ASCC1: variants seen among roughly 807,000 people sequenced by gnomAD.
ASCC1 encodes ASC-1 complex subunit P50.
ASCC1 carries 35 observed loss-of-function variants against 46.6 expected under a neutral mutation model. The ratio of observed to expected loss-of-function variants is 0.75; its 90% CI spans 0.57 to 0.99. The LOEUF (loss-of-function observed/expected upper bound fraction) is 0.99. Ranked by LOEUF, ASCC1 falls within the 50% of genes least tolerant of loss-of-function variation. The probability of loss-of-function intolerance (pLI) is 0.00; values close to 1 mark genes in which losing one functional copy is unlikely to be tolerated. For synonymous variants in ASCC1, 143 were observed against 146.6 expected, an observed-to-expected ratio of 0.98 and a Z score of 0.18; for missense variants, 376 against 428.7, an observed-to-expected ratio of 0.88 and a Z score of 1.09.
At chr10:72,210,280 C>T (rs1310850197) in intron 3 of ASCC1, among the ~76,000 whole-genome samples, 2 of 149,256 alleles carry the variant, frequency 1.3e-5, no homozygotes, top group Admixed American at 6.6e-5. Context: ...CTGCCTCAGC[C>T]TCCCAAGTAG....
At chr10:72,160,586 G>A (rs182019709) in intron 6 of ASCC1, among the ~76,000 whole-genome samples, 10 of 152,030 alleles carry the variant, frequency 6.6e-5, no homozygotes, top group African/African-American at 2.4e-4. Flanking sequence ...ACTGGCTGGA[G>A]ATGGCAGCTC....
intron 6 of ASCC1, among the ~76,000 whole-genome samples, chr10:72,160,858 C>T (rs186454521): frequency 0.01 from 1,543 of 149,538 alleles, 23 homozygotes; most frequent in African/African-American, 0.03. Flanking sequence ...CCAAGGCGGG[C>T]GGATCACAAG....
chr10:72,139,318 G>C (rs1846690004), intron 7 of ASCC1, among the ~76,000 whole-genome samples: 1 of 151,854 alleles, frequency 6.6e-6, no homozygotes, highest in Admixed American at 6.6e-5. Context: ...GTTTCACCGT[G>C]TTAGCCAGGA....
intron 7 of ASCC1, among the ~76,000 whole-genome samples, chr10:72,149,292 G>A (rs1164879722): frequency 6.6e-6 from 1 of 151,838 alleles, no homozygotes; most frequent in African/African-American, 2.4e-5. Context: ...CAAAAAATTA[G>A]CCAGGCGTGG....
intron 9 of ASCC1, among the ~76,000 whole-genome samples, chr10:72,111,788 C>T (rs201886718): frequency 6.6e-6 from 1 of 152,006 alleles, no homozygotes; most frequent in East Asian, 1.9e-4. Flanking sequence ...ACTACAGGTG[C>T]CTGCCACCAC....
chr10:72,202,570 C>T (rs1474198298), intron 4 of ASCC1, among the ~76,000 whole-genome samples: 2 of 152,148 alleles, frequency 1.3e-5, no homozygotes, highest in Non-Finnish European at 2.9e-5. Context: ...AGCCTATGCC[C>T]TTGGTTTACA....
chr10:72,125,374 C>T (rs1356723900), intron 9 of ASCC1, among the ~76,000 whole-genome samples: 2 of 152,154 alleles, frequency 1.3e-5, no homozygotes, highest in Non-Finnish European at 2.9e-5. Flanking sequence ...TCTGTTTACT[C>T]CAAGTCAGTT....
intron 1 of ASCC1, 168 bp downstream of exon 1, chr10:72,216,039 G>GT (rs1192006936): frequency 1.3e-5 from 2 of 152,406 alleles, no homozygotes; most frequent in African/African-American, 2.4e-5. Context: ...GGCTCCGTCT[G>GT]TTGGGGGGCG....
intron 5 of ASCC1, among the ~76,000 whole-genome samples, chr10:72,181,172 G>A (rs1014046144): frequency 7.9e-5 from 12 of 152,062 alleles, no homozygotes; most frequent in South Asian, 2.1e-4. Context: ...TACCACGTTG[G>A]CCAGGATGGT....
At chr10:72,150,598 T>A (rs1452541355) in intron 7 of ASCC1, among the ~76,000 whole-genome samples, 1 of 152,172 alleles carries the variant, frequency 6.6e-6, no homozygotes, top group Non-Finnish European at 1.5e-5. Flanking sequence ...AACTGCAGAC[T>A]GAGAATCGCT....
At chr10:72,142,467 G>C (rs1214077639) in intron 7 of ASCC1, among the ~76,000 whole-genome samples, 1 of 151,376 alleles carries the variant, frequency 6.6e-6, no homozygotes, top group East Asian at 1.9e-4. Flanking sequence ...CCCAGGCTCA[G>C]ACAATCCTCC....
intron 7 of ASCC1, among the ~76,000 whole-genome samples, chr10:72,151,156 T>C (rs911106560): frequency 7.9e-5 from 12 of 152,238 alleles, no homozygotes; most frequent in African/African-American, 1.2e-4. Flanking sequence ...CGTATGTTTA[T>C]TGTGGCACTA....
intron 5 of ASCC1, among the ~76,000 whole-genome samples, chr10:72,178,102 T>C (rs961698894): frequency 7.2e-5 from 11 of 152,198 alleles, no homozygotes; most frequent in Non-Finnish European, 1.5e-4. Context: ...AGAGGCTGAC[T>C]GTTTTAAAGG....
chr10:72,204,278 TC>T, intron 3 of ASCC1: 1 of 958,836 alleles, frequency 1.0e-6, no homozygotes. Context: ...TCAATTTTTT[TC>T]AATAGAAAAA....
At chr10:72,120,906 T>C (rs1844123048) in intron 9 of ASCC1, among the ~76,000 whole-genome samples, 1 of 151,948 alleles carries the variant, frequency 6.6e-6, no homozygotes, top group Non-Finnish European at 1.5e-5. Context: ...TTATATATAA[T>C]GCTCAAATAA....
chr10:72,195,152 T>TG (rs1430906526), intron 5 of ASCC1, among the ~76,000 whole-genome samples: 24 of 137,560 alleles, frequency 1.7e-4, no homozygotes, highest in South Asian at 7.3e-4. Flanking sequence ...TTTTTTTTTT[T>TG]TTTTTTTTTT....
intron 4 of ASCC1, among the ~76,000 whole-genome samples, 171 bp downstream of exon 4, chr10:72,203,256 A>C (rs567734933): frequency 2.7e-5 from 4 of 150,906 alleles, no homozygotes; most frequent in African/African-American, 9.8e-5. Flanking sequence ...ACTGCACTCT[A>C]GCCTGGGTAA....
chr10:72,121,140 T>A (rs1384781395), intron 9 of ASCC1, among the ~76,000 whole-genome samples: 1 of 152,124 alleles, frequency 6.6e-6, no homozygotes, highest in Non-Finnish European at 1.5e-5. Flanking sequence ...AGAGACCGAC[T>A]TTTTATTTAT....
At position 72,133,101 on chromosome 10, in the gene ASCC1, A is replaced by C. The variant is rs1845791352; in HGVS notation, c.827T>G (p.Leu276Arg). ...TAGTGTATTCATAACTGTAGCATGC[A>C]GTTTCACACTATTCCACTCTTTCAC... Reference protein sequence around the residue: ...LIVKEWNSVKLHATVMNTLFR... With the variant: ...LIVKEWNSVKRHATVMNTLFR... Residue 276 changes from leucine to arginine, a missense_variant, in exon 8 of 10, where the codon CTG (leucine) becomes CGG (arginine). Coordinates refer to ENST00000672957, the MANE Select transcript of ASCC1 (RefSeq NM_001198800.3). The C allele has an allele frequency of 6.2e-7, 1 of 1,614,126 alleles. No homozygotes were observed. The highest frequency in any genetic ancestry group is 1.3e-5 in the African/African-American group (1 of 75,050).
Sources: allele counts gnomAD v4.1 joint callset (sites outside exome capture counted in the v4.1 genomes callset), GRCh38; gene constraint gnomAD v4.1.1; transcripts MANE v1.5; gene names NCBI Gene and HGNC (gene_info 2026-07-23, HGNC 2026-07-21).